The following CNGB3 variants were observed in gnomAD, a reference collection of about 807,000 sequenced individuals.
CNGB3 encodes the protein cyclic nucleotide gated channel subunit beta 3.
CNGB3 carries 86 observed loss-of-function variants against 92.8 expected under a neutral mutation model. The observed-to-expected ratio is 0.93, with a 90% CI of 0.78 to 1.11. CNGB3 has a LOEUF of 1.11. CNGB3 is among the 50% of genes least tolerant of loss of function. CNGB3 has a pLI of 0.00. For synonymous variants in CNGB3, 333 were observed against 332.7 expected, an observed-to-expected ratio of 1.00 and a Z score of -0.01; for missense variants, 1,026 against 956.8, an observed-to-expected ratio of 1.07 and a Z score of -0.95.
rs556740063 is a variant in CNGB3 at position 86,725,346 on chromosome 8, T to A, written c.338+1185A>T. Reference sequence around the variant, plus strand: ...TTCAGTATCTTGGTTGCTTATCTGTTGAGTGAAGATAATGATGATCCACTA... The same window carrying A: ...TTCAGTATCTTGGTTGCTTATCTGTAGAGTGAAGATAATGATGATCCACTA... On this transcript the variant is annotated intron_variant, in intron 3 of 17. Coordinates refer to ENST00000320005, the MANE Select transcript of CNGB3 (RefSeq NM_019098.5). 2.1e-4 allele frequency among the ~76,000 whole-genome samples: 32 copies of A among 152,242 alleles called. No individual in the cohort carries two copies. The South Asian group carries it at 6.4e-3, about 31-fold the overall frequency.
At chr8:86,590,962 C>G (rs1822019038) in intron 15 of CNGB3, among the ~76,000 whole-genome samples, 1 of 151,942 alleles carries the variant, frequency 6.6e-6, no homozygotes, top group East Asian at 1.9e-4. Flanking sequence ...TTCTCCCCAT[C>G]ACTTTCAGGT....
At chr8:86,611,482 T>C (rs1585968464) in intron 14 of CNGB3, 106 bp downstream of exon 14, 2 of 821,210 alleles carry the variant, frequency 2.4e-6, no homozygotes, top group East Asian at 2.5e-5. Flanking sequence ...TTCTATACTA[T>C]GGAATTCACC....
intron 7 of CNGB3, among the ~76,000 whole-genome samples, chr8:86,653,361 A>G (rs1823441847): frequency 1.3e-5 from 2 of 152,086 alleles, no homozygotes. Context: ...GGATGTAATC[A>G]TTGTAGATTT....
intron 2 of CNGB3, among the ~76,000 whole-genome samples, chr8:86,738,632 G>A (rs994439921): frequency 5.9e-5 from 9 of 152,122 alleles, no homozygotes; most frequent in Non-Finnish European, 1.0e-4. Flanking sequence ...GAGGTCAGGA[G>A]ATCGAGACCA....
intron 2 of CNGB3, among the ~76,000 whole-genome samples, chr8:86,728,296 C>T (rs552893225): frequency 6.6e-6 from 1 of 152,188 alleles, no homozygotes; most frequent in African/African-American, 2.4e-5. Flanking sequence ...AGGGACCCTT[C>T]TGTACAGGCA....
intron 15 of CNGB3, among the ~76,000 whole-genome samples, chr8:86,582,709 T>C: frequency 6.6e-6 from 1 of 152,092 alleles, no homozygotes; most frequent in Admixed American, 6.6e-5. Flanking sequence ...AACTACCAAC[T>C]AGAATTCTAT....
At chr8:86,660,475 TGAAAGG>T in intron 6 of CNGB3, 1 of 520,736 alleles carries the variant, frequency 1.9e-6, no homozygotes, top group Non-Finnish European at 3.9e-6. Flanking sequence ...ATGAGAAAGA[TGAAAGG>T]GAAAGGAAGC....
rs79219872 is a variant in CNGB3, at chr8:86,660,311, G to A, written c.853-6249C>T. On this transcript the variant is annotated intron_variant, in intron 6 of 17. Coordinates refer to ENST00000320005, the MANE Select transcript of CNGB3 (RefSeq NM_019098.5). ...ACATCACAGGCAGGGTGGGAGGTGGGGTTGGGGCCATATCAGCACGATCCT... is the reference window on the plus strand; with the variant it reads ...ACATCACAGGCAGGGTGGGAGGTGGAGTTGGGGCCATATCAGCACGATCCT... The A allele has an allele frequency of 6.0e-3, 2,040 of 341,938 alleles. 68 individuals are homozygous for A. Among genetic ancestry groups the A allele is most frequent in the African/African-American group, 0.041 (1,829 of 44,210 alleles). The allele number at this position is 341,938 out of a possible 1,614,324, so 21.2% of individuals were successfully genotyped here.
chr8:86,612,885 A>C (rs1210083574), intron 13 of CNGB3, among the ~76,000 whole-genome samples: 1 of 152,232 alleles, frequency 6.6e-6, no homozygotes, highest in African/African-American at 2.4e-5. Context: ...TTGTATGATA[A>C]CCTTGGAGGA....
chr8:86,583,921 C>CAAAAA (rs71574285), intron 15 of CNGB3, among the ~76,000 whole-genome samples: 77 of 61,004 alleles, frequency 1.3e-3, no homozygotes, highest in East Asian at 2.6e-3. Context: ...GACCTTGTCT[C>CAAAAA]AAAAAAAAAA....
chr8:86,705,896 C>T (rs551927327), intron 3 of CNGB3, among the ~76,000 whole-genome samples: 1 of 152,266 alleles, frequency 6.6e-6, no homozygotes, highest in South Asian at 2.1e-4. Flanking sequence ...GAACCAGATG[C>T]TCATTTGAAG....
At chr8:86,727,756 T>C (rs1293425101) in intron 2 of CNGB3, among the ~76,000 whole-genome samples, 1 of 152,156 alleles carries the variant, frequency 6.6e-6, no homozygotes, top group South Asian at 2.1e-4. Context: ...TTTAATTGGA[T>C]GTCTTGTGCT....
rs1825065778 is a variant in CNGB3, at chr8:86,726,650, G to C, written c.219C>G (p.Leu73=). ...EEPHTNIQDK[L]SKKNSSGDLT... is the part of the protein sequence containing the mutation. The stretch of plus-strand genomic sequence containing the variant: ...GATCTCCAGAGGAATTTTTCTTGGA[G>C]AGTTTGTCTATGAAAAAAAAATTCA... The change falls in exon 3 of 18, where the codon CTC becomes CTG. Residue 73 remains leucine (L), a synonymous_variant. Coordinates refer to ENST00000320005, the MANE Select transcript of CNGB3 (RefSeq NM_019098.5). The C allele has an allele frequency of 1.9e-6, 3 of 1,613,604 alleles. No individual in the cohort carries two copies. The highest frequency in any genetic ancestry group is 2.5e-6 in the Non-Finnish European group (3 of 1,179,662).
At chr8:86,682,180 CAT>C (rs1491316810) in intron 3 of CNGB3, among the ~76,000 whole-genome samples, 4 of 152,196 alleles carry the variant, frequency 2.6e-5, no homozygotes, top group African/African-American at 9.6e-5. Context: ...GCTGAAGAGA[CAT>C]ATGCTATTTC....
intron 15 of CNGB3, among the ~76,000 whole-genome samples, chr8:86,592,262 C>T (rs569585665): frequency 1.9e-4 from 29 of 152,322 alleles, no homozygotes; most frequent in African/African-American, 6.7e-4. Context: ...GTGAGATGAA[C>T]CCGGTACCTC....
intron 13 of CNGB3, among the ~76,000 whole-genome samples, chr8:86,617,387 T>C (rs528678384): frequency 1.3e-5 from 2 of 152,218 alleles, no homozygotes; most frequent in Non-Finnish European, 2.9e-5. Flanking sequence ...TCAGGGCTTT[T>C]TCCATCTCAG....
At chr8:86,666,540 G>A (rs1359812581) in intron 6 of CNGB3, among the ~76,000 whole-genome samples, 1 of 152,086 alleles carries the variant, frequency 6.6e-6, no homozygotes, top group African/African-American at 2.4e-5. Context: ...TCATTGAAAG[G>A]ATTAAGGGAA....
intron 2 of CNGB3, among the ~76,000 whole-genome samples, chr8:86,728,850 A>C (rs1208308576): frequency 6.6e-6 from 1 of 152,202 alleles, no homozygotes; most frequent in African/African-American, 2.4e-5. Context: ...ATCAGAAAAA[A>C]ATCCTGAATG....
intron 7 of CNGB3, among the ~76,000 whole-genome samples, chr8:86,653,402 G>T (rs548304652): frequency 6.6e-6 from 1 of 152,086 alleles, no homozygotes; most frequent in African/African-American, 2.4e-5. Context: ...CCTAAACCCA[G>T]ATTTGTATTT....
Sources: allele counts gnomAD v4.1 joint callset (sites outside exome capture counted in the v4.1 genomes callset), GRCh38; gene constraint gnomAD v4.1.1; transcripts MANE v1.5; gene names NCBI Gene and HGNC (gene_info 2026-07-23, HGNC 2026-07-21).